The following PPM1L variants were observed in gnomAD, a reference collection of about 807,000 sequenced individuals.
The protein encoded by PPM1L is protein phosphatase 1L.
Under a neutral mutation model 31.4 loss-of-function variants are expected in PPM1L, and 13 were observed. That is an observed-to-expected ratio of 0.41 (90% CI 0.27 to 0.66). The LOEUF is 0.66. Among genes scored for constraint, PPM1L ranks in the 30% least tolerant of loss-of-function variants. PPM1L has a pLI of 0.29. For synonymous variants in PPM1L, 184 were observed against 175.4 expected (o/e 1.05, Z -0.39); for missense variants, 326 against 453.7 (o/e 0.72, Z 2.56).
At chr3:160,833,366 C>A (rs372992392) in intron 1 of PPM1L, among the ~76,000 whole-genome samples, 37 of 152,300 alleles carry the variant, frequency 2.4e-4, no homozygotes, top group East Asian at 1.4e-3. Flanking sequence ...CCATCTTCCA[C>A]GATGGTTGAA....
intron 2 of PPM1L, among the ~76,000 whole-genome samples, chr3:160,976,335 C>G (rs2108029473): frequency 6.9e-6 from 1 of 144,284 alleles, no homozygotes; most frequent in Admixed American, 7.0e-5. Flanking sequence ...CTAAAATTCT[C>G]TTTTTTGGTT....
intron 1 of PPM1L, among the ~76,000 whole-genome samples, chr3:160,804,132 C>T (rs763060152): frequency 2.0e-5 from 3 of 151,496 alleles, no homozygotes; most frequent in Non-Finnish European, 2.9e-5. Flanking sequence ...CGGGGTTTCA[C>T]CGTGTTAGCC....
At chr3:160,942,099 G>A (rs1231375654) in intron 1 of PPM1L, among the ~76,000 whole-genome samples, 2 of 152,164 alleles carry the variant, frequency 1.3e-5, no homozygotes, top group Non-Finnish European at 2.9e-5. Context: ...ATCTGGTGGA[G>A]GAAAGGCTAA....
At chr3:161,022,737 C>T (rs1455763462) in intron 2 of PPM1L, among the ~76,000 whole-genome samples, 1 of 147,960 alleles carries the variant, frequency 6.8e-6, no homozygotes, top group Admixed American at 6.8e-5. Context: ...AATCTTCGCT[C>T]ACTGCAAGCT....
chr3:161,003,226 G>C (rs1469768101), intron 2 of PPM1L, among the ~76,000 whole-genome samples: 370 of 151,150 alleles, frequency 2.4e-3, no homozygotes, highest in African/African-American at 8.6e-3. Flanking sequence ...GTACCATGCT[G>C]TTTTGGTTAC....
chr3:160,762,307 T>A (rs934639402), intron 1 of PPM1L, among the ~76,000 whole-genome samples: 23 of 151,904 alleles, frequency 1.5e-4, no homozygotes, highest in East Asian at 7.7e-4. Context: ...CTGCAAAAAA[T>A]TTTTTTTTCA....
At chr3:161,001,407 C>T (rs780965554) in intron 2 of PPM1L, among the ~76,000 whole-genome samples, 62 of 152,124 alleles carry the variant, frequency 4.1e-4, no homozygotes, top group African/African-American at 1.4e-3. Flanking sequence ...CTCAGCCTCC[C>T]GAGTAGTTGG....
intron 1 of PPM1L, among the ~76,000 whole-genome samples, chr3:160,902,309 T>C (rs1222031391): frequency 1.3e-5 from 2 of 152,140 alleles, no homozygotes; most frequent in African/African-American, 4.8e-5. Context: ...TCATTGGAAA[T>C]GGTGGGCACA....
At chr3:160,809,078 C>T (rs765074002) in intron 1 of PPM1L, among the ~76,000 whole-genome samples, 6 of 152,168 alleles carry the variant, frequency 3.9e-5, no homozygotes, top group South Asian at 2.1e-4. Context: ...CACCAGCAAG[C>T]GTCCCAGAAT....
chr3:161,058,118 C>CTTTT (rs1186931971), intron 2 of PPM1L, among the ~76,000 whole-genome samples: 9,862 of 54,718 alleles, frequency 0.18, 2,742 homozygotes, highest in Non-Finnish European at 0.23. Flanking sequence ...ATTTTCTTTC[C>CTTTT]TTTTTTTTTT....
At chr3:160,843,908 T>C (rs995871072) in intron 1 of PPM1L, among the ~76,000 whole-genome samples, 8 of 152,196 alleles carry the variant, frequency 5.3e-5, no homozygotes, top group Non-Finnish European at 1.0e-4. Flanking sequence ...TAGACTGGAT[T>C]AAGAAAATGT....
chr3:160,797,890 G>T lies in PPM1L; in HGVS notation c.399+41183G>T, dbSNP rs1560109471. Among the ~76,000 whole-genome samples, 3 of 152,310 alleles carry T rather than the reference G, an allele frequency of 2.0e-5. No homozygotes were observed. The East Asian group carries it at 5.8e-4, about 29-fold the overall frequency. ...GAAGTCATCTCTACAACGTGAAAGT[G>T]CAAGGTGGGCCGGGCACAGTGGCTC... On this transcript the variant is annotated intron_variant, in intron 1 of 3. Transcript: ENST00000498165.
rs1360956984 is a variant in PPM1L, at chr3:160,970,787, A to ATTCTTTTTTTTTTTTTTTT, written c.574+8879_574+8880insCTTTTTTTTTTTTTTTTTT. On this transcript the variant is annotated intron_variant, in intron 2 of 3. Transcript: ENST00000498165. ...CAAGCTGATTTTAATTTCAGTTATA[A>ATTCTTTTTTTTTTTTTTTT]TTTTTTTTTTTTTTTTTTTTTTGAG... 5.1e-5 allele frequency among the ~76,000 whole-genome samples: 5 copies of ATTCTTTTTTTTTTTTTTTT among 97,196 alleles called. 2 individuals are homozygous for ATTCTTTTTTTTTTTTTTTT. Among genetic ancestry groups the ATTCTTTTTTTTTTTTTTTT allele is most frequent in the African/African-American group, 1.3e-4 (3 of 22,350 alleles). The allele number at this position is 97,196 out of a possible 152,430, so 63.8% of individuals were successfully genotyped here. A position where few individuals can be genotyped will look rare whatever the true frequency, so the allele number is the denominator to read the frequency against.
intron 1 of PPM1L, among the ~76,000 whole-genome samples, chr3:160,803,117 G>T (rs1045785667): frequency 1.3e-5 from 2 of 152,208 alleles, no homozygotes; most frequent in African/African-American, 4.8e-5. Flanking sequence ...TGTAAAATAT[G>T]CATAAGGGAC....
In PPM1L at chr3:160,861,076, A is replaced by G. The variant is rs375518199; in HGVS notation, c.400-100660A>G. On this transcript the variant is annotated intron_variant, in intron 1 of 3. Coordinates refer to ENST00000498165, the MANE Select transcript of PPM1L (RefSeq NM_139245.4). ...CAAAGTAGAAAGAGGTTTTTCATAT[A>G]AGAGGTTGAAAGGTTCAAAGTGGAA... Among the ~76,000 whole-genome samples, 13 of 152,288 alleles carry G rather than the reference A, an allele frequency of 8.5e-5. No homozygotes were observed. The East Asian group carries it at 2.3e-3, about 27-fold the overall frequency.
At chr3:161,061,170 C>T (rs566194140) in intron 2 of PPM1L, among the ~76,000 whole-genome samples, 53 of 151,066 alleles carry the variant, frequency 3.5e-4, no homozygotes, top group Non-Finnish European at 5.9e-4. Context: ...CATTCTTAAG[C>T]CTCCCACCCC....
At chr3:160,879,106 C>A (rs1292124577) in intron 1 of PPM1L, among the ~76,000 whole-genome samples, 1 of 152,158 alleles carries the variant, frequency 6.6e-6, no homozygotes, top group African/African-American at 2.4e-5. Flanking sequence ...GCAAACAGAA[C>A]ATTTTCATAT....
In PPM1L at chr3:160,961,058, GCAACAA is replaced by G. The variant is rs527843919; in HGVS notation, c.400-665_400-660del. ...ATAGTGTAAAAACAAAAAACAAACAGCAACAACAACAACAACAAACTTGTCAAAGTA... is the reference window on the plus strand; with the variant it reads ...ATAGTGTAAAAACAAAAAACAAACAGCAACAACAACAAACTTGTCAAAGTA... On this transcript the variant is annotated intron_variant, in intron 1 of 3. Coordinates refer to ENST00000498165, the MANE Select transcript of PPM1L (RefSeq NM_139245.4). 2.3e-3 allele frequency among the ~76,000 whole-genome samples: 346 copies of G among 152,146 alleles called. 1 individual carries two copies. Among genetic ancestry groups the G allele is most frequent in the African/African-American group, 7.9e-3 (326 of 41,514 alleles).
intron 1 of PPM1L, among the ~76,000 whole-genome samples, chr3:160,859,545 T>A (rs527479230): frequency 1.3e-5 from 2 of 152,346 alleles, no homozygotes; most frequent in African/African-American, 4.8e-5. Context: ...ATCTTACTTG[T>A]GTTTATTTTA....
Sources: allele counts gnomAD v4.1 joint callset (sites outside exome capture counted in the v4.1 genomes callset), GRCh38; gene constraint gnomAD v4.1.1; transcripts MANE v1.5; gene names NCBI Gene and HGNC (gene_info 2026-07-23, HGNC 2026-07-21).